The following PLXND1 variants were observed in gnomAD, a reference collection of about 807,000 sequenced individuals.
PLXND1 encodes plexin-D1.
Under a neutral mutation model 197.7 loss-of-function variants are expected in PLXND1, and 54 were observed. The observed-to-expected ratio is 0.27, with a 90% CI of 0.22 to 0.34. The LOEUF is 0.34. PLXND1 is among the 10% of genes least tolerant of loss of function. The probability of loss-of-function intolerance (pLI) is 1.00; values close to 1 mark genes in which losing one functional copy is unlikely to be tolerated. For missense variants in PLXND1, 2,127 were observed against 2,699.2 expected, an observed-to-expected ratio of 0.79 and a Z score of 4.70; for synonymous variants, 1,180 against 1,161.2, an observed-to-expected ratio of 1.02 and a Z score of -0.33.
In PLXND1 at chr3:129,584,376, C is replaced by T. The variant is rs915115551; in HGVS notation, c.2029+9G>A. The T allele has an allele frequency of 6.8e-6, 11 of 1,610,118 alleles. No individual in the cohort carries two copies. The highest frequency in any genetic ancestry group is 5.0e-5 in the Admixed American group (3 of 59,460). The stretch of plus-strand genomic sequence containing the variant: ...CTCTGGGGCTGTGCCAACAGCACAG[C>T]GTGCTTACCCTGGTTGGGGGGGAAG... On this transcript the variant is annotated intron_variant, in intron 6 of 35. Transcript: ENST00000324093.
chr3:129,571,259 G>A lies in PLXND1; in HGVS notation c.3381C>T (p.Pro1127=), dbSNP rs534441095. 24 of 1,613,754 alleles carry A rather than the reference G, an allele frequency of 1.5e-5. No individual in the cohort carries two copies. The highest frequency in any genetic ancestry group is 1.3e-4 in the South Asian group (12 of 91,052). ...GCGCTGATGCGTTGCTCAGGGCCCCGGGGGACGGGCAGGTGATGAGGGTGG... is the reference window on the plus strand; with the variant it reads ...GCGCTGATGCGTTGCTCAGGGCCCCAGGGGACGGGCAGGTGATGAGGGTGG... The part of the protein sequence containing the change: ...LNSTLITCPS[P]GALSNASAPV... The change falls in exon 18 of 36, where the codon CCC becomes CCT. Residue 1127 remains proline, a synonymous_variant. Coordinates refer to ENST00000324093, the MANE Select transcript of PLXND1 (RefSeq NM_015103.3).
At position 129,557,976 on chromosome 3, in the gene PLXND1, C is replaced by T. The variant is rs918915353; in HGVS notation, c.5445+452G>A. On this transcript the variant is annotated intron_variant, in intron 33 of 35. Coordinates refer to ENST00000324093, the MANE Select transcript of PLXND1 (RefSeq NM_015103.3). The surrounding 1 kb of genome is among the most constrained non-coding windows in gnomAD (Gnocchi z 4.8). Reference sequence around the variant, plus strand: ...AGCCTTGTGTGCCCCCAACACACCGCATGAATCTCAGAGCTCCTAGCCACC... The same window carrying T: ...AGCCTTGTGTGCCCCCAACACACCGTATGAATCTCAGAGCTCCTAGCCACC... 1.3e-5 allele frequency among the ~76,000 whole-genome samples: 2 copies of T among 152,234 alleles called. No individual in the cohort carries two copies. Among genetic ancestry groups the T allele is most frequent in the Admixed American group, 6.5e-5 (1 of 15,284 alleles).
In PLXND1 at chr3:129,605,442, T is replaced by G. The variant is rs1016361244; in HGVS notation, c.1198A>C (p.Ile400Leu). 9 of 1,502,854 alleles carry G rather than the reference T, an allele frequency of 6.0e-6. No individual in the cohort carries two copies. The highest frequency in any genetic ancestry group is 7.1e-6 in the Non-Finnish European group (8 of 1,133,520). 93.1% of individuals were successfully genotyped at this position (1,502,854 alleles called of 1,614,324 possible). A position where few individuals can be genotyped will look rare whatever the true frequency, so the allele number is the denominator to read the frequency against. ...AAGCAGGCGGTGCGCGCAGCTCGGA[T>G]GGCGGCTCGCACGTCGGCGAAGCGG... ...AFRFADVRAAIRAARTACFVE... is the reference protein window; with the variant it reads ...AFRFADVRAALRAARTACFVE... Residue 400 changes from isoleucine to leucine, a missense_variant, in exon 1 of 36, where the codon ATC becomes CTC. By Grantham distance (5) the Ile-to-Leu change is conservative. Transcript: ENST00000324093.
chr3:129,571,634 C>T (rs370686215), intron 16 of PLXND1, 35 bp from the exon 17 acceptor site: 119 of 1,613,510 alleles, frequency 7.4e-5, no homozygotes, highest in East Asian at 2.0e-4. Context: ...AGTGCACCTG[C>T]AGCCCCAGAG....
chr3:129,606,165 C>A lies in PLXND1; in HGVS notation c.475G>T (p.Val159Leu). 2 of 1,533,778 alleles carry A rather than the reference C, an allele frequency of 1.3e-6. No individual in the cohort carries two copies. Among genetic ancestry groups the A allele is most frequent in the South Asian group, 1.2e-5 (1 of 83,362 alleles). The change falls in exon 1 of 36, where the codon GTG becomes TTG. Residue 159 changes from valine (V) to leucine (L), a missense_variant. By Grantham distance (32) the Val-to-Leu change is conservative. Around this residue, in one of 6 missense-constraint regions of PLXND1, gnomAD observed 245 missense variants for 267.1 expected, o/e 0.92. Coordinates refer to ENST00000324093, the MANE Select transcript of PLXND1 (RefSeq NM_015103.3). ...QLRRRGNISA[V>L]AVRFPPAAPP... is the part of the protein sequence containing the mutation. ...GCGGCGGGCGGGAAGCGCACGGCCACGGCCGAGATGTTGCCCCGGCGCCGC... is the reference window on the plus strand; with the variant it reads ...GCGGCGGGCGGGAAGCGCACGGCCAAGGCCGAGATGTTGCCCCGGCGCCGC...
At chr3:129,600,219 C>T (rs2085687587) in intron 1 of PLXND1, among the ~76,000 whole-genome samples, 1 of 152,140 alleles carries the variant, frequency 6.6e-6, no homozygotes, top group Non-Finnish European at 1.5e-5. Context: ...TCACCCACCC[C>T]TGCCTGCCTT....
chr3:129,557,051 G>A lies in PLXND1; in HGVS notation c.5586+32C>T, dbSNP rs989720966. 2 of 1,610,068 alleles carry A rather than the reference G, an allele frequency of 1.2e-6. No homozygotes were observed. Among genetic ancestry groups the A allele is most frequent in the Non-Finnish European group, 1.7e-6 (2 of 1,178,902 alleles). Reference sequence around the variant, plus strand: ...CGACCCCCGATCCCTCAGCTCTTCAGGCCCCCATCCCCCGCCGCCGAGCCA... The same window carrying A: ...CGACCCCCGATCCCTCAGCTCTTCAAGCCCCCATCCCCCGCCGCCGAGCCA... On this transcript the variant is annotated intron_variant, in intron 34 of 35. Coordinates refer to ENST00000324093, the MANE Select transcript of PLXND1 (RefSeq NM_015103.3). This position sits in a 1 kb window ranked among gnomAD's most constrained non-coding sequence, Gnocchi z 4.8.
intron 9 of PLXND1, among the ~76,000 whole-genome samples, chr3:129,576,256 C>G (rs2085313025): frequency 1.3e-5 from 2 of 152,246 alleles, no homozygotes; most frequent in Middle Eastern, 3.2e-3. Flanking sequence ...CCAACACGGC[C>G]AGACTCTCCT....
chr3:129,556,558 G>T, intron 35 of PLXND1, 59 bp downstream of exon 35: 3 of 1,386,248 alleles, frequency 2.2e-6, no homozygotes, highest in Non-Finnish European at 3.1e-6. Flanking sequence ...TGAGATGTGT[G>T]TCCTTGAGTA....
chr3:129,558,460 C>T lies in PLXND1; in HGVS notation c.5413G>A (p.Ala1805Thr), dbSNP rs1332312348. 7.4e-6 allele frequency: 12 copies of T among 1,613,804 alleles called. No homozygotes were observed. The highest frequency in any genetic ancestry group is 2.7e-5 in the African/African-American group (2 of 75,038). Residue 1805 changes from alanine (A) to threonine (T), a missense_variant, in exon 33 of 36, where the codon GCC (alanine) becomes ACC (threonine). Around this residue, in one of 6 missense-constraint regions of PLXND1, gnomAD observed 200 missense variants for 303.3 expected, o/e 0.66. Coordinates refer to ENST00000324093, the MANE Select transcript of PLXND1 (RefSeq NM_015103.3). This position sits in a 1 kb window ranked among gnomAD's most constrained non-coding sequence, Gnocchi z 4.1. ...LSVIAQAFID[A>T]CSISDLQLGK... ...AGCTGCAGGTCAGAGATGGAGCAGG[C>T]GTCGATGAAGGCCTGCGCGATGACT...
chr3:129,596,131 T>C (rs765680343), intron 1 of PLXND1, among the ~76,000 whole-genome samples: 3 of 152,034 alleles, frequency 2.0e-5, no homozygotes, highest in South Asian at 2.1e-4. Context: ...ATAGGAGCCT[T>C]CAGTGCTAAG....
At chr3:129,576,401 A>G (rs1394479259) in intron 9 of PLXND1, among the ~76,000 whole-genome samples, 1 of 152,184 alleles carries the variant, frequency 6.6e-6, no homozygotes, top group Non-Finnish European at 1.5e-5. Flanking sequence ...TGCTGCCCTC[A>G]AATCAAAGGG....
intron 23 of PLXND1, 145 bp from the exon 24 acceptor site, chr3:129,566,162 G>C: frequency 2.6e-6 from 2 of 772,460 alleles, no homozygotes; most frequent in Non-Finnish European, 4.2e-6. Context: ...TAACCTTTGT[G>C]ACAGGGAACA....
chr3:129,563,747 C>T (rs1386075110), intron 25 of PLXND1, among the ~76,000 whole-genome samples: 1 of 152,224 alleles, frequency 6.6e-6, no homozygotes, highest in Non-Finnish European at 1.5e-5. Context: ...TGCCCATCTC[C>T]AAGGGTGGCC....
chr3:129,571,818 G>T lies in PLXND1; in HGVS notation c.3104C>A (p.Thr1035Asn). Residue 1035 changes from threonine (T) to asparagine (N), a missense_variant, in exon 16 of 36, where the codon ACC becomes AAC. Thr to Asn is a moderately conservative substitution (Grantham distance 65). This residue lies in a region of PLXND1 where 1,095 missense variants were observed against 1,259.8 expected (regional missense o/e 0.87). Transcript: ENST00000324093. The stretch of plus-strand genomic sequence containing the variant: ...AGCCGGCAGGGCCCCCTCAGGCATG[G>T]TGCAGGCGATGCTGGTATCTGTGCG... ...LMRTDTSIAC[T>N]MPEGALPAPV... is the part of the protein sequence containing the mutation. The T allele has an allele frequency of 6.2e-7, 1 of 1,612,934 alleles. No individual in the cohort carries two copies. The highest frequency in any genetic ancestry group is 8.5e-7 in the Non-Finnish European group (1 of 1,179,814).
At position 129,567,554 on chromosome 3, in the gene PLXND1, G is replaced by A. The variant is rs774664636; in HGVS notation, c.4024C>T (p.Arg1342Cys). 3 of 1,612,032 alleles carry A rather than the reference G, an allele frequency of 1.9e-6. No homozygotes were observed. The highest frequency in any genetic ancestry group is 2.7e-5 in the African/African-American group (2 of 74,856). The change falls in exon 22 of 36, where the codon CGC becomes TGC. Residue 1342 changes from arginine to cysteine, a missense_variant. Coordinates refer to ENST00000324093, the MANE Select transcript of PLXND1 (RefSeq NM_015103.3). The stretch of plus-strand genomic sequence containing the variant: ...TCCAGGAAGGGGATGCCCTGGCTGC[G>A]GTTCAGCTCCTTGGTGAGATCTGTC... ...DMTDLTKELN[R>C]SQGIPFLEYK...
chr3:129,575,843 C>T lies in PLXND1; in HGVS notation c.2359G>A (p.Glu787Lys), dbSNP rs1360451107. The change falls in exon 10 of 36, where the codon GAG becomes AAG. Residue 787 changes from glutamate (E) to lysine (K), a missense_variant. Physicochemically the swap from Glu to Lys is moderately conservative, Grantham distance 56. This residue lies in a region of PLXND1 where 1,095 missense variants were observed against 1,259.8 expected (regional missense o/e 0.87). Transcript: ENST00000324093. ...ATCTCCTCCAGCCCAAAACTACACT[C>T]CAGGGCTGCACCCTGTGGGAAACAG... ...NTAFFQGAAL[E>K]CSFGLEEIFE... 6.2e-7 allele frequency: 1 copy of T among 1,611,142 alleles called. No individual in the cohort carries two copies. Among genetic ancestry groups the T allele is most frequent in the Non-Finnish European group, 8.5e-7 (1 of 1,177,620 alleles).
intron 23 of PLXND1, 60 bp downstream of exon 23, chr3:129,566,467 C>A (rs1484738026): frequency 9.8e-7 from 1 of 1,017,042 alleles, no homozygotes; most frequent in Non-Finnish European, 1.6e-6. Flanking sequence ...GAAAGGGGAC[C>A]CAGGGGGGAG....
rs568029399 is a variant in PLXND1 at position 129,561,313 on chromosome 3, G to A, written c.4993+333C>T. ...TGCCTGGGGCGTCTGAGGGTGTGGA[G>A]GGGGCACTTGAGGCAGGGACATGGC... is the stretch of plus-strand genomic sequence containing the variant. On this transcript the variant is annotated intron_variant, in intron 29 of 35. Coordinates refer to ENST00000324093, the MANE Select transcript of PLXND1 (RefSeq NM_015103.3). Among the ~76,000 whole-genome samples the A allele has an allele frequency of 7.2e-4, 109 of 152,320 alleles. 2 individuals are homozygous for A. Among genetic ancestry groups the A allele is most frequent in the African/African-American group, 2.5e-3 (106 of 41,572 alleles).
Sources: allele counts gnomAD v4.1 joint callset (sites outside exome capture counted in the v4.1 genomes callset), GRCh38; gene constraint gnomAD v4.1.1; regional missense constraint gnomAD v4.1.1; non-coding constraint Gnocchi (gnomAD v3.1); transcripts MANE v1.5; gene names NCBI Gene and HGNC (gene_info 2026-07-23, HGNC 2026-07-21).